The following SOX5 variants were observed in gnomAD, a reference collection of about 807,000 sequenced individuals.
SOX5 encodes SRY-box transcription factor 5.
In SOX5, 9 loss-of-function variants were observed where a neutral mutation model predicts 92.0. The ratio of observed to expected loss-of-function variants is 0.10; its 90% CI spans 0.06 to 0.17. The LOEUF is 0.17. Ranked by LOEUF, SOX5 falls within the 10% of genes least tolerant of loss-of-function variation. SOX5 has a pLI of 1.00. For missense variants in SOX5, 642 were observed against 944.5 expected (o/e 0.68, Z 4.20); for synonymous variants, 344 against 336.3 (o/e 1.02, Z -0.25).
intron 4 of SOX5, among the ~76,000 whole-genome samples, chr12:24,027,391 C>A (rs1454844238): frequency 6.6e-6 from 1 of 151,992 alleles, no homozygotes; most frequent in Non-Finnish European, 1.5e-5. Context: ...TTCTGTCTCT[C>A]AACTTCCTCA....
chr12:23,783,105 C>G (rs2095314091), intron 3 of SOX5, among the ~76,000 whole-genome samples: 1 of 152,114 alleles, frequency 6.6e-6, no homozygotes, highest in Non-Finnish European at 1.5e-5. Flanking sequence ...TGTTGATTCA[C>G]TTTCTTCAAG....
intron 3 of SOX5, among the ~76,000 whole-genome samples, chr12:24,224,591 T>C (rs1361474963): frequency 6.6e-6 from 1 of 152,110 alleles, no homozygotes; most frequent in African/African-American, 2.4e-5. Context: ...TATGTGTGTC[T>C]CTCTGTGCCA....
intron 2 of SOX5, among the ~76,000 whole-genome samples, chr12:24,308,676 G>A (rs946222637): frequency 6.6e-6 from 1 of 152,150 alleles, no homozygotes; most frequent in African/African-American, 2.4e-5. Context: ...AACAAATGCA[G>A]ACTGACTATG....
chr12:23,938,898 A>G (rs954236354), intron 1 of SOX5, among the ~76,000 whole-genome samples: 1 of 151,064 alleles, frequency 6.6e-6, no homozygotes, highest in Non-Finnish European at 1.5e-5. Context: ...ATATGCTGAA[A>G]TAATTTGCAG....
intron 14 of SOX5, among the ~76,000 whole-genome samples, chr12:23,535,480 C>G (rs1940165927): frequency 6.6e-6 from 1 of 152,222 alleles, no homozygotes; most frequent in Non-Finnish European, 1.5e-5. Flanking sequence ...GAGACCCTGT[C>G]TCCTCATTTT....
rs1025023147 is a variant in SOX5, at chr12:24,097,274, G to A, written c.-2+116069C>T. ...TTGCAAGTATTATTTAATAACAGTA[G>A]ACTTATTATATACAATTTGCAAATA... On this transcript the variant is annotated intron_variant, in intron 4 of 4. Transcript: ENST00000446891. Among the ~76,000 whole-genome samples the A allele has an allele frequency of 8.5e-5, 13 of 152,178 alleles. No individual in the cohort carries two copies. In the East Asian group the frequency reaches 2.5e-3, roughly 29 times the overall value.
chr12:23,539,683 T>G (rs1941498449), intron 13 of SOX5, among the ~76,000 whole-genome samples: 1 of 152,024 alleles, frequency 6.6e-6, no homozygotes, highest in Non-Finnish European at 1.5e-5. Flanking sequence ...AATTCTCAGA[T>G]AAGTTGGCTT....
intron 1 of SOX5, among the ~76,000 whole-genome samples, chr12:24,448,785 T>C (rs900272247): frequency 4.6e-5 from 7 of 152,146 alleles, no homozygotes; most frequent in Non-Finnish European, 2.9e-5. Context: ...CCTATATTAT[T>C]ATCTCCAGCC....
intron 4 of SOX5, among the ~76,000 whole-genome samples, chr12:24,085,025 G>A (rs1943801444): frequency 6.6e-6 from 1 of 152,076 alleles, no homozygotes; most frequent in African/African-American, 2.4e-5. Flanking sequence ...CAATGATTAT[G>A]TGAGACACAG....
chr12:24,155,029 G>T (rs530456486), intron 4 of SOX5, among the ~76,000 whole-genome samples: 1 of 152,050 alleles, frequency 6.6e-6, no homozygotes, highest in African/African-American at 2.4e-5. Flanking sequence ...TCTAGTATTG[G>T]CTGAGTACTT....
At chr12:23,600,325 C>T (rs574218328) in intron 9 of SOX5, among the ~76,000 whole-genome samples, 39 of 151,774 alleles carry the variant, frequency 2.6e-4, no homozygotes, top group Middle Eastern at 6.8e-3. Flanking sequence ...TAAACATATT[C>T]GCTTTTGTGG....
intron 1 of SOX5, among the ~76,000 whole-genome samples, chr12:24,447,627 T>G (rs975848721): frequency 2.6e-5 from 4 of 152,170 alleles, no homozygotes; most frequent in Non-Finnish European, 5.9e-5. Context: ...TATAACAACA[T>G]AATATGTTAA....
intron 1 of SOX5, among the ~76,000 whole-genome samples, chr12:23,929,990 T>C (rs1595725424): frequency 1.3e-5 from 2 of 151,902 alleles, no homozygotes; most frequent in East Asian, 3.9e-4. Flanking sequence ...ACAATTTCTC[T>C]ACTCATCCTC....
intron 2 of SOX5, among the ~76,000 whole-genome samples, chr12:24,358,303 A>G (rs920128667): frequency 5.3e-5 from 8 of 152,192 alleles, no homozygotes; most frequent in African/African-American, 1.7e-4. Flanking sequence ...TTTTATATAA[A>G]ATTGAGGATT....
At chr12:23,608,108 GAAAAAAGA>G (rs1456285460) in intron 8 of SOX5, among the ~76,000 whole-genome samples, 396 of 5,612 alleles carry the variant, frequency 0.071, no homozygotes, top group African/African-American at 0.099. Flanking sequence ...TGTCTCAAAA[GAAAAAAGA>G]AAAAAAAAAA....
rs1204873495 is a variant in SOX5, at chr12:23,878,519, C to T, written c.270+17274G>A. Among the ~76,000 whole-genome samples, 15 of 151,896 alleles carry T rather than the reference C, an allele frequency of 9.9e-5. No individual in the cohort carries two copies. In the East Asian group the frequency reaches 2.9e-3, roughly 29 times the overall value. On this transcript the variant is annotated intron_variant, in intron 2 of 14. Transcript: ENST00000451604. Reference sequence around the variant, plus strand: ...CTTGGTCTGATAATAAAAATGCTACCTCTGCTTTCTATCTGTGGATGCCTA... The same window carrying T: ...CTTGGTCTGATAATAAAAATGCTACTTCTGCTTTCTATCTGTGGATGCCTA...
chr12:23,542,862 G>C (rs1300105779), intron 13 of SOX5, among the ~76,000 whole-genome samples: 1 of 152,174 alleles, frequency 6.6e-6, no homozygotes, highest in African/African-American at 2.4e-5. Flanking sequence ...GTTGTCTATA[G>C]TATGCAAGGA....
chr12:24,443,125 G>A (rs1288111670), intron 1 of SOX5, among the ~76,000 whole-genome samples: 4 of 151,798 alleles, frequency 2.6e-5, no homozygotes, highest in Non-Finnish European at 5.9e-5. Context: ...CTAATTTTTT[G>A]TATTTTAGTA....
At chr12:24,478,195 T>C (rs1945600397) in intron 1 of SOX5, among the ~76,000 whole-genome samples, 2 of 152,240 alleles carry the variant, frequency 1.3e-5, no homozygotes, top group Non-Finnish European at 2.9e-5. Context: ...TCTTCTTTCA[T>C]TTGACTTATC....
Sources: allele counts gnomAD v4.1 joint callset (sites outside exome capture counted in the v4.1 genomes callset), GRCh38; gene constraint gnomAD v4.1.1; transcripts MANE v1.5; gene names NCBI Gene and HGNC (gene_info 2026-07-23, HGNC 2026-07-21).